Variants in RNLS observed in about 807,000 individuals in gnomAD.
RNLS encodes the protein renalase.
Under a neutral mutation model 39.8 loss-of-function variants are expected in RNLS, and 39 were observed. The observed-to-expected ratio is 0.98, with a 90% CI of 0.76 to 1.28. RNLS has a LOEUF of 1.28. Ranked by LOEUF, RNLS falls within the 50% of genes most tolerant of loss-of-function variation. RNLS has a pLI of 0.00. For missense variants in RNLS, 410 were observed against 413.3 expected, an observed-to-expected ratio of 0.99 and a Z score of 0.07; for synonymous variants, 147 against 150.7, an observed-to-expected ratio of 0.98 and a Z score of 0.18.
chr10:88,455,863 C>A (rs1167098405), intron 4 of RNLS, among the ~76,000 whole-genome samples: 1 of 152,158 alleles, frequency 6.6e-6, no homozygotes, highest in Non-Finnish European at 1.5e-5. Context: ...ATCGCTTTAT[C>A]CCAATGCATG....
At chr10:88,421,798 G>A (rs1854424802) in intron 4 of RNLS, among the ~76,000 whole-genome samples, 1 of 152,106 alleles carries the variant, frequency 6.6e-6, no homozygotes, top group Non-Finnish European at 1.5e-5. Flanking sequence ...CTGATCCACT[G>A]TCCCAATTAC....
intron 4 of RNLS, among the ~76,000 whole-genome samples, chr10:88,457,527 A>G (rs1209213007): frequency 6.6e-6 from 1 of 152,264 alleles, no homozygotes; most frequent in Non-Finnish European, 1.5e-5. Context: ...TAAACCTAAC[A>G]GATTTTCTGC....
At chr10:88,353,111 G>A (rs192789022) in intron 5 of RNLS, among the ~76,000 whole-genome samples, 4 of 151,978 alleles carry the variant, frequency 2.6e-5, no homozygotes, top group African/African-American at 7.2e-5. Flanking sequence ...TTTAGTCTTG[G>A]TAGCGGTCTA....
At position 88,284,111 on chromosome 10, in the gene RNLS, A is replaced by G; in HGVS notation, c.*1243T>C. 1 of 982,242 alleles carries G rather than the reference A, an allele frequency of 1.0e-6. No homozygotes were observed. The highest frequency in any genetic ancestry group is 4.7e-5 in the South Asian group (1 of 21,226). The allele number at this position is 982,242 out of a possible 1,614,324, so 60.8% of individuals were successfully genotyped here. A position where few individuals can be genotyped will look rare whatever the true frequency, so the allele number is the denominator to read the frequency against. The stretch of plus-strand genomic sequence containing the variant: ...TGACATTAACCACATGTTGGCATTT[A>G]AGTTTTTCACCAATTTATTGCTAAG... On this transcript the variant is annotated 3_prime_UTR_variant, in exon 7 of 7. Transcript: ENST00000331772.
intron 4 of RNLS, among the ~76,000 whole-genome samples, chr10:88,410,492 T>A (rs1320750346): frequency 6.6e-6 from 1 of 152,176 alleles, no homozygotes; most frequent in African/African-American, 2.4e-5. Flanking sequence ...CTGTAACAAC[T>A]GTGGTGAAAT....
chr10:88,280,754 T>C (rs1842982442), downstream of RNLS, among the ~76,000 whole-genome samples: 1 of 152,184 alleles, frequency 6.6e-6, no homozygotes, highest in Non-Finnish European at 1.5e-5. Flanking sequence ...GGTATGCAAA[T>C]TCTATGTGCT....
At chr10:88,315,578 A>G (rs1845696391) in intron 5 of RNLS, among the ~76,000 whole-genome samples, 1 of 152,198 alleles carries the variant, frequency 6.6e-6, no homozygotes, top group Non-Finnish European at 1.5e-5. Context: ...AGGCACTGAT[A>G]GGAGATGTCA....
chr10:88,504,370 G>A (rs1437513327), intron 4 of RNLS, among the ~76,000 whole-genome samples: 1 of 152,004 alleles, frequency 6.6e-6, no homozygotes, highest in Non-Finnish European at 1.5e-5. Flanking sequence ...AAAAAAAGGT[G>A]CCAAAGAATG....
At chr10:88,398,057 G>A (rs759950006) in intron 4 of RNLS, among the ~76,000 whole-genome samples, 102 of 152,110 alleles carry the variant, frequency 6.7e-4, no homozygotes, top group African/African-American at 1.1e-3. Flanking sequence ...CCATGTTTTC[G>A]TACATGTTTT....
At chr10:88,304,465 C>T (rs1844774297) in intron 6 of RNLS, among the ~76,000 whole-genome samples, 1 of 152,114 alleles carries the variant, frequency 6.6e-6, no homozygotes, top group African/African-American at 2.4e-5. Context: ...CAAGAGCTGA[C>T]AGACAAAATA....
At chr10:88,326,329 A>T (rs1846604808) in intron 5 of RNLS, among the ~76,000 whole-genome samples, 1 of 152,230 alleles carries the variant, frequency 6.6e-6, no homozygotes, top group Admixed American at 6.5e-5. Flanking sequence ...GATACAGACA[A>T]TAAAGTCCAG....
intron 4 of RNLS, among the ~76,000 whole-genome samples, chr10:88,542,682 T>G (rs1386921077): frequency 6.6e-6 from 1 of 152,084 alleles, no homozygotes; most frequent in African/African-American, 2.4e-5. Flanking sequence ...AAACCACAAG[T>G]GATGTCAAAG....
At chr10:88,311,319 T>C (rs1326803171) in intron 6 of RNLS, among the ~76,000 whole-genome samples, 1 of 152,216 alleles carries the variant, frequency 6.6e-6, no homozygotes, top group African/African-American at 2.4e-5. Flanking sequence ...GTAATTCTGC[T>C]TCTAGTGAAA....
At chr10:88,390,576 G>T (rs1383253636) in intron 4 of RNLS, among the ~76,000 whole-genome samples, 2 of 151,138 alleles carry the variant, frequency 1.3e-5, no homozygotes, top group Non-Finnish European at 2.9e-5. Context: ...TTTTCTTATT[G>T]GGGACCTTTC....
intron 4 of RNLS, among the ~76,000 whole-genome samples, chr10:88,448,334 G>T (rs1842164041): frequency 6.6e-6 from 1 of 152,144 alleles, no homozygotes; most frequent in Non-Finnish European, 1.5e-5. Context: ...CAAAAAGTGG[G>T]CAAAAGATAT....
At chr10:88,200,700 G>A in the RNLS span, among the ~76,000 whole-genome samples, 4 of 152,192 alleles carry the variant, frequency 2.6e-5, no homozygotes, top group Admixed American at 2.6e-4. Flanking sequence ...CTCAAGAACT[G>A]AGAAGGAACT....
chr10:88,212,538 T>C, the RNLS span, among the ~76,000 whole-genome samples: 1 of 152,228 alleles, frequency 6.6e-6, no homozygotes, highest in Non-Finnish European at 1.5e-5. Flanking sequence ...TTAGCATATA[T>C]TAAGTGTCTG....
At chr10:88,365,030 C>T (rs1322166791) in intron 4 of RNLS, among the ~76,000 whole-genome samples, 2 of 152,022 alleles carry the variant, frequency 1.3e-5, no homozygotes, top group Non-Finnish European at 2.9e-5. Flanking sequence ...TCTCCCCACC[C>T]CCCTTTTTGC....
intron 3 of RNLS, among the ~76,000 whole-genome samples, chr10:88,576,233 C>A (rs1289876883): frequency 1.3e-5 from 2 of 152,076 alleles, no homozygotes; most frequent in African/African-American, 4.8e-5. Context: ...CTTTTCTTCC[C>A]ACTATACTCT....
Sources: allele counts gnomAD v4.1 joint callset (sites outside exome capture counted in the v4.1 genomes callset), GRCh38; gene constraint gnomAD v4.1.1; transcripts MANE v1.5; gene names NCBI Gene and HGNC (gene_info 2026-07-23, HGNC 2026-07-21).